VPS53: variants seen among roughly 807,000 people sequenced by gnomAD.
The protein encoded by VPS53 is vacuolar protein sorting-associated protein 53 homolog.
A neutral mutation model predicts 107.0 loss-of-function variants in VPS53; 70 were observed. The observed-to-expected ratio is 0.65, with a 90% CI of 0.54 to 0.80. The LOEUF is 0.80. Ranked by LOEUF, VPS53 falls within the 30% of genes least tolerant of loss-of-function variation. The pLI, the probability that VPS53 is intolerant of heterozygous loss-of-function variation, is 0.00. For synonymous variants in VPS53, 409 were observed against 393.3 expected, an observed-to-expected ratio of 1.04 and a Z score of -0.47; for missense variants, 917 against 1,049.4, an observed-to-expected ratio of 0.87 and a Z score of 1.74.
chr17:699,403 C>T, intron 2 of VPS53, 23 bp from the exon 3 acceptor site: 5 of 1,534,510 alleles, frequency 3.3e-6, no homozygotes, highest in Non-Finnish European at 4.4e-6. Flanking sequence ...AGGAAGAGTG[C>T]CCAGCTGTTA....
rs976166665 is a variant in VPS53 at position 566,061 on chromosome 17, A to G, written c.1314-3316T>C. Among the ~76,000 whole-genome samples the G allele has an allele frequency of 3.3e-5, 5 of 151,624 alleles. No homozygotes were observed. The South Asian group carries it at 8.4e-4, about 25-fold the overall frequency. Reference sequence around the variant, plus strand: ...TACTAAAAATACAAAAAAATTAGCCAGGCGTAGTGGCGGGCGCCTGTAGTC... The same window carrying G: ...TACTAAAAATACAAAAAAATTAGCCGGGCGTAGTGGCGGGCGCCTGTAGTC... On this transcript the variant is annotated intron_variant, in intron 13 of 21. Coordinates refer to ENST00000437048, the MANE Select transcript of VPS53 (RefSeq NM_001128159.3).
chr17:668,521 G>A (rs1187463732), intron 4 of VPS53, among the ~76,000 whole-genome samples: 2 of 152,162 alleles, frequency 1.3e-5, no homozygotes, highest in Non-Finnish European at 2.9e-5. Context: ...TATCCAAGAT[G>A]CTACATGGGA....
At position 519,352 on chromosome 17, in the gene VPS53, CG is replaced by C; in HGVS notation, c.2329-55del. The stretch of plus-strand genomic sequence containing the variant: ...ACGAAGTCTGGGCCAGAATGGCCCA[CG>C]GGGGACAGCGCAGTATCTGGATATG... On this transcript the variant is annotated intron_variant, in intron 21 of 21. Transcript: ENST00000437048. The surrounding 1 kb of genome is among the most constrained non-coding windows in gnomAD (Gnocchi z 5.0). The C allele has an allele frequency of 2.1e-6, 3 of 1,423,970 alleles. No homozygotes were observed. Among genetic ancestry groups the C allele is most frequent in the Non-Finnish European group, 1.8e-6 (2 of 1,082,324 alleles). The allele number at this position is 1,423,970 out of a possible 1,614,324, so 88.2% of individuals were successfully genotyped here.
intron 12 of VPS53, among the ~76,000 whole-genome samples, chr17:599,177 G>A (rs1197109589): frequency 5.3e-5 from 8 of 150,556 alleles, no homozygotes; most frequent in African/African-American, 1.9e-4. Context: ...GGAGGTGAGG[G>A]GCGCCTCTGC....
intron 12 of VPS53, chr17:600,094 G>A (rs1447246873): frequency 6.6e-6 from 1 of 152,196 alleles, no homozygotes; most frequent in African/African-American, 2.4e-5. Flanking sequence ...GTAACTTCAA[G>A]CTTTCATAGG....
chr17:552,053 G>T, intron 16 of VPS53, 103 bp from the exon 17 acceptor site: 1 of 1,122,506 alleles, frequency 8.9e-7, no homozygotes, highest in Non-Finnish European at 1.2e-6. Context: ...CATTTCACTG[G>T]CAAAGTTTGA....
intron 11 of VPS53, among the ~76,000 whole-genome samples, chr17:610,261 G>C (rs1968800075): frequency 6.6e-6 from 1 of 152,016 alleles, no homozygotes; most frequent in African/African-American, 2.4e-5. Flanking sequence ...AGAATAATTA[G>C]GGGAATCACT....
chr17:652,192 G>A (rs1346389516), intron 7 of VPS53, among the ~76,000 whole-genome samples: 4 of 151,848 alleles, frequency 2.6e-5, no homozygotes, highest in Admixed American at 1.3e-4. Context: ...ACGGGGTTTC[G>A]CCATGTTGGC....
At chr17:535,306 T>C (rs1239229883) in intron 18 of VPS53, among the ~76,000 whole-genome samples, 2 of 152,224 alleles carry the variant, frequency 1.3e-5, no homozygotes, top group African/African-American at 2.4e-5. Flanking sequence ...AGGCTGATGC[T>C]GGGAGATGCT....
chr17:547,831 G>A (rs1343457933), intron 17 of VPS53, among the ~76,000 whole-genome samples: 1 of 152,006 alleles, frequency 6.6e-6, no homozygotes, highest in Non-Finnish European at 1.5e-5. Context: ...TAGAGACAGG[G>A]TCCCACCATG....
At chr17:676,108 G>A (rs969013965) in intron 4 of VPS53, 3 of 152,140 alleles carry the variant, frequency 2.0e-5, no homozygotes, top group African/African-American at 7.2e-5. Flanking sequence ...TCTCCTTCCA[G>A]AGGAGACCCT....
intron 13 of VPS53, among the ~76,000 whole-genome samples, chr17:573,478 G>T (rs968902321): frequency 1.3e-5 from 2 of 152,138 alleles, no homozygotes; most frequent in African/African-American, 4.8e-5. Context: ...CAGGTGGGAG[G>T]CTGGGGAGAT....
At chr17:621,120 CAA>C (rs1969451321) in intron 11 of VPS53, among the ~76,000 whole-genome samples, 1 of 152,168 alleles carries the variant, frequency 6.6e-6, no homozygotes. Context: ...ACTTCCTTCC[CAA>C]GAGACATCCA....
At chr17:550,351 C>A (rs912866763) in intron 17 of VPS53, among the ~76,000 whole-genome samples, 1 of 152,178 alleles carries the variant, frequency 6.6e-6, no homozygotes, top group African/African-American at 2.4e-5. Context: ...GCCTATGACT[C>A]TAGAGCAGAC....
At chr17:591,290 T>C (rs1429835051) in intron 12 of VPS53, among the ~76,000 whole-genome samples, 1 of 152,262 alleles carries the variant, frequency 6.6e-6, no homozygotes, top group Non-Finnish European at 1.5e-5. Context: ...TTAGTCTTGC[T>C]AGCAGTCTAT....
At chr17:594,893 C>A (rs1445931039) in intron 12 of VPS53, among the ~76,000 whole-genome samples, 1 of 69,850 alleles carries the variant, frequency 1.4e-5, no homozygotes, top group African/African-American at 4.7e-5. Context: ...CTCTAGTGTC[C>A]CCCTGGAGGA....
intron 7 of VPS53, among the ~76,000 whole-genome samples, chr17:648,102 G>T (rs975169772): frequency 6.6e-6 from 1 of 152,212 alleles, no homozygotes. Flanking sequence ...CAGCTGCTGG[G>T]ACACCCACCT....
intron 12 of VPS53, among the ~76,000 whole-genome samples, chr17:589,197 A>T (rs534235423): frequency 6.6e-6 from 1 of 152,122 alleles, no homozygotes; most frequent in South Asian, 2.1e-4. Flanking sequence ...TAAAAAAATC[A>T]ACGTGTATAT....
intron 4 of VPS53, among the ~76,000 whole-genome samples, chr17:692,404 G>A (rs540196885): frequency 9.5e-4 from 145 of 152,256 alleles, no homozygotes; most frequent in Admixed American, 2.5e-3. Context: ...AACTTTATAA[G>A]AGCATCATCG....
Sources: gnomAD v4.1 joint callset for allele counts (sites outside exome capture counted in the v4.1 genomes callset) on GRCh38, gnomAD v4.1.1 for gene constraint, Gnocchi (gnomAD v3.1) non-coding constraint, MANE v1.5 for transcripts, NCBI Gene and HGNC (gene_info 2026-07-23, HGNC 2026-07-21) for gene names.